The following HNF1B variants were observed in gnomAD, a reference collection of about 807,000 sequenced individuals.
The protein encoded by HNF1B is HNF1 homeobox B.
Under a neutral mutation model 61.7 loss-of-function variants are expected in HNF1B, and 8 were observed. The observed-to-expected ratio is 0.13, with a 90% CI of 0.08 to 0.23. The LOEUF (loss-of-function observed/expected upper bound fraction) is 0.23. HNF1B is among the 10% of genes least tolerant of loss of function. The probability of loss-of-function intolerance (pLI) is 1.00; values close to 1 mark genes in which losing one functional copy is unlikely to be tolerated. For missense variants in HNF1B, 562 were observed against 714.5 expected (o/e 0.79, Z 2.43); for synonymous variants, 314 against 287.7 (o/e 1.09, Z -0.93).
chr17:37,720,679 C>T, intron 4 of HNF1B: 1 of 511,652 alleles, frequency 2.0e-6, no homozygotes, highest in Non-Finnish European at 2.5e-6. Flanking sequence ...TATGGAGTGT[C>T]TACCATGTGC....
chr17:37,743,854 C>G (rs1438213371), intron 1 of HNF1B, among the ~76,000 whole-genome samples: 1 of 152,244 alleles, frequency 6.6e-6, no homozygotes, highest in Non-Finnish European at 1.5e-5. Context: ...AGGTCTGAGA[C>G]GCGTTCGCCC....
chr17:37,737,261 C>T (rs1034719095), intron 2 of HNF1B, among the ~76,000 whole-genome samples: 1 of 152,142 alleles, frequency 6.6e-6, no homozygotes, highest in African/African-American at 2.4e-5. Context: ...ATTTGAATGT[C>T]ACCTCTTCTA....
intron 4 of HNF1B, chr17:37,729,900 T>C (rs928767183): frequency 6.2e-5 from 7 of 112,132 alleles, no homozygotes; most frequent in African/African-American, 3.0e-4. Flanking sequence ...CCCCAGAGTA[T>C]CCACTTCCCA....
chr17:37,732,594 GC>G (rs1402106824), intron 3 of HNF1B, among the ~76,000 whole-genome samples: 3 of 152,188 alleles, frequency 2.0e-5, no homozygotes, highest in Admixed American at 2.0e-4. Context: ...AGACCAAAGA[GC>G]TGAAGTTTTA....
At position 37,733,596 on chromosome 17, in the gene HNF1B, C is replaced by T; in HGVS notation, c.770G>A (p.Ser257Asn). The change falls in exon 3 of 9, where the codon AGC becomes AAC. Residue 257 changes from serine (S) to asparagine (N), a missense_variant. Coordinates refer to ENST00000617811, the MANE Select transcript of HNF1B (RefSeq NM_000458.4). The stretch of plus-strand genomic sequence containing the variant: ...CACTAAGGCCTCTCTCTCTTCCTTG[C>T]TGGGGTTCTTTTGCCGATCGTAGGC... ...YQAYDRQKNP[S>N]KEEREALVEE... 1 of 1,614,156 alleles carries T rather than the reference C, an allele frequency of 6.2e-7. No individual in the cohort carries two copies.
rs2033393158 is a variant in HNF1B, at chr17:37,723,490, G to A, written c.1045+8105C>T. Among the ~76,000 whole-genome samples, 4 of 152,120 alleles carry A rather than the reference G, an allele frequency of 2.6e-5. No homozygotes were observed. In the South Asian group the frequency reaches 6.2e-4, roughly 24 times the overall value. ...TCCCCTCTGCCCCCACCAATCCATG[G>A]TCTTCCCAGCTTCCCCTCACTGTTT... On this transcript the variant is annotated intron_variant, in intron 4 of 8. Transcript: ENST00000617811.
intron 7 of HNF1B, among the ~76,000 whole-genome samples, chr17:37,700,086 G>A (rs2032514660): frequency 6.7e-6 from 1 of 150,190 alleles, no homozygotes; most frequent in African/African-American, 2.5e-5. Flanking sequence ...GAGTGGCTAA[G>A]TAACTTGCAT....
intron 1 of HNF1B, among the ~76,000 whole-genome samples, chr17:37,743,284 C>G (rs539344690): frequency 6.6e-6 from 1 of 152,246 alleles, no homozygotes; most frequent in Non-Finnish European, 1.5e-5. Flanking sequence ...ACTCTCTCGA[C>G]CCCTCTTAGC....
At chr17:37,690,040 C>G (rs923868009) in intron 8 of HNF1B, among the ~76,000 whole-genome samples, 7 of 142,848 alleles carry the variant, frequency 4.9e-5, no homozygotes, top group Non-Finnish European at 1.1e-4. Context: ...CACACACACA[C>G]TACAACTTTA....
chr17:37,705,041 G>C lies in HNF1B; in HGVS notation c.1215C>G (p.Val405=). ...LLSPDGKMIS[V]SGGGLPPVST... ...TGACTGGGGGCAAACCTCCTCCTGA[G>C]ACTGAGATCTGATGGAGAGAAAAAA... is the stretch of plus-strand genomic sequence containing the variant. The change falls in exon 6 of 9, where the codon GTC becomes GTG. Residue 405 remains valine, a synonymous_variant. Transcript: ENST00000617811. 5 of 1,613,904 alleles carry C rather than the reference G, an allele frequency of 3.1e-6. No homozygotes were observed. Among genetic ancestry groups the C allele is most frequent in the Non-Finnish European group, 4.2e-6 (5 of 1,179,890 alleles).
chr17:37,695,195 T>C, intron 8 of HNF1B, among the ~76,000 whole-genome samples: 1 of 152,236 alleles, frequency 6.6e-6, no homozygotes, highest in Admixed American at 6.5e-5. Context: ...CCTGCATACA[T>C]GCTGCTCTAG....
Position 37,733,776 on chromosome 17 carries a change from C to T in HNF1B, c.590G>A (p.Ser197Asn), listed in dbSNP as rs1230022933. ...VQSSGNMTDKSSQDQLLFLFP... is the reference protein window; with the variant it reads ...VQSSGNMTDKNSQDQLLFLFP... ...GAGAAACAGCAGCTGATCCTGACTGCTTTTGTCTGTCATATTTCCAGAACT... is the reference window on the plus strand; with the variant it reads ...GAGAAACAGCAGCTGATCCTGACTGTTTTTGTCTGTCATATTTCCAGAACT... Residue 197 changes from serine (S) to asparagine (N), a missense_variant, in exon 3 of 9, where the codon AGC (serine) becomes AAC (asparagine). This residue lies in a region of HNF1B where 69 missense variants were observed against 81.2 expected (regional missense o/e 0.85). Transcript: ENST00000617811. The T allele has an allele frequency of 6.2e-7, 1 of 1,614,164 alleles. No homozygotes were observed. Among genetic ancestry groups the T allele is most frequent in the South Asian group, 1.1e-5 (1 of 91,078 alleles).
intron 8 of HNF1B, among the ~76,000 whole-genome samples, chr17:37,693,913 A>C (rs2032289708): frequency 6.6e-6 from 1 of 152,074 alleles, no homozygotes; most frequent in African/African-American, 2.4e-5. Context: ...CTTGCTCTTT[A>C]TCTCACCATA....
Position 37,716,842 on chromosome 17 carries a change from A to ATCTCTCTCTCTCTCTC in HNF1B, c.1046-6195_1046-6180dup, listed in dbSNP as rs55634127. Among the ~76,000 whole-genome samples, 181 of 131,268 alleles carry ATCTCTCTCTCTCTCTC rather than the reference A, an allele frequency of 1.4e-3. 2 individuals carry two copies. The highest frequency in any genetic ancestry group is 4.6e-3 in the African/African-American group (163 of 35,616). 86.1% of individuals were successfully genotyped at this position (131,268 alleles called of 152,430 possible). On this transcript the variant is annotated intron_variant, in intron 4 of 8. Transcript: ENST00000617811. ...GCACCAGCCTCTAGACACTTTAACA[A>ATCTCTCTCTCTCTCTC]TCTCTCTCTCTCTCTCTCTCTCTCT...
At chr17:37,741,306 C>A (rs1304350580) in intron 1 of HNF1B, among the ~76,000 whole-genome samples, 3 of 152,120 alleles carry the variant, frequency 2.0e-5, no homozygotes, top group Non-Finnish European at 4.4e-5. Context: ...TTTATTAAGA[C>A]TTTGATATTA....
intron 2 of HNF1B, 85 bp downstream of exon 2, chr17:37,739,355 G>T: frequency 1.6e-6 from 2 of 1,282,620 alleles, no homozygotes; most frequent in South Asian, 2.4e-5. Context: ...AGGCCTTGTC[G>T]ATGAAAGGGA....
At chr17:37,702,365 TGAGCAGAAAGGACA>T in intron 6 of HNF1B, among the ~76,000 whole-genome samples, 1 of 152,174 alleles carries the variant, frequency 6.6e-6, no homozygotes, top group African/African-American at 2.4e-5. Context: ...GCGAGACCCC[TGAGCAGAAAGGACA>T]GGGGATGAAT....
intron 2 of HNF1B, among the ~76,000 whole-genome samples, chr17:37,738,536 G>A (rs1290617716): frequency 6.6e-6 from 1 of 152,222 alleles, no homozygotes; most frequent in Non-Finnish European, 1.5e-5. Flanking sequence ...TGTGGGGAGA[G>A]TGAAAACCGA....
At chr17:37,691,730 A>G (rs904127768) in intron 8 of HNF1B, among the ~76,000 whole-genome samples, 6 of 152,194 alleles carry the variant, frequency 3.9e-5, no homozygotes, top group African/African-American at 1.2e-4. Context: ...GAGGTCACAC[A>G]GGTAGAAAGT....
Sources: gnomAD v4.1 joint callset for allele counts (sites outside exome capture counted in the v4.1 genomes callset) on GRCh38, gnomAD v4.1.1 for gene constraint, gnomAD v4.1.1 regional missense constraint, MANE v1.5 for transcripts, NCBI Gene and HGNC (gene_info 2026-07-23, HGNC 2026-07-21) for gene names.